Variants in ADGRB3 observed in about 807,000 individuals in gnomAD.
The protein encoded by ADGRB3 is adhesion G protein-coupled receptor B3.
A neutral mutation model predicts 193.4 loss-of-function variants in ADGRB3; 37 were observed. The observed-to-expected ratio is 0.19, with a 90% CI of 0.15 to 0.25. The LOEUF (loss-of-function observed/expected upper bound fraction) is 0.25, where lower values mean the gene tolerates loss of function less well. Among genes scored for constraint, ADGRB3 ranks in the 10% least tolerant of loss-of-function variants. ADGRB3 has a pLI of 1.00. For missense variants in ADGRB3, 1,637 were observed against 1,852.9 expected (o/e 0.88, Z 2.14); for synonymous variants, 690 against 644.2 (o/e 1.07, Z -1.08).
At chr6:68,669,091 G>A (rs2254654) in intron 3 of ADGRB3, among the ~76,000 whole-genome samples, 76,266 of 151,564 alleles carry the variant, frequency 0.5, 19,502 homozygotes, top group Non-Finnish European at 0.55. Context: ...ATGTGTGAGC[G>A]CATGGTAGGT....
At position 69,354,348 on chromosome 6, in the gene ADGRB3, C is replaced by T. The variant is rs373257377; in HGVS notation, c.3555+20C>T. The T allele has an allele frequency of 3.6e-5, 57 of 1,566,562 alleles. No homozygotes were observed. The African/African-American group carries it at 4.2e-4, about 12-fold the overall frequency. On this transcript the variant is annotated intron_variant, in intron 27 of 31. Transcript: ENST00000370598. ...ATCATGGTGAGTTTTTATTTTTCCCCGATTGTTAATTAACTCATGATTTCT... is the reference window on the plus strand; with the variant it reads ...ATCATGGTGAGTTTTTATTTTTCCCTGATTGTTAATTAACTCATGATTTCT...
chr6:68,975,132 GA>G (rs757895763), intron 9 of ADGRB3, 101 bp from the exon 10 acceptor site: 108 of 938,778 alleles, frequency 1.2e-4, no homozygotes, highest in Admixed American at 8.4e-4. Context: ...GTTTTTTAAA[GA>G]AAAAAAGTAC....
At chr6:68,752,078 C>T (rs964198983) in intron 3 of ADGRB3, among the ~76,000 whole-genome samples, 2 of 151,878 alleles carry the variant, frequency 1.3e-5, no homozygotes, top group Non-Finnish European at 2.9e-5. Flanking sequence ...TTTTGGAAAC[C>T]TATGATTTAA....
At chr6:69,229,101 T>G (rs1766081067) in intron 17 of ADGRB3, among the ~76,000 whole-genome samples, 1 of 152,194 alleles carries the variant, frequency 6.6e-6, no homozygotes, top group East Asian at 1.9e-4. Flanking sequence ...CTAGTAAAAC[T>G]TCCTGATTTT....
intron 16 of ADGRB3, among the ~76,000 whole-genome samples, chr6:69,069,731 T>TAAAAAAAA (rs754345752): frequency 9.2e-6 from 1 of 108,232 alleles, no homozygotes; most frequent in Admixed American, 1.0e-4. Flanking sequence ...ACTCTCTCAT[T>TAAAAAAAA]AAAAAAAAAA....
chr6:69,029,091 T>A (rs1238635838), intron 13 of ADGRB3, among the ~76,000 whole-genome samples: 1 of 152,180 alleles, frequency 6.6e-6, no homozygotes, highest in African/African-American at 2.4e-5. Context: ...TTTGTTTCAT[T>A]TTCTTGCTCA....
chr6:68,699,902 A>T (rs73461990), intron 3 of ADGRB3, among the ~76,000 whole-genome samples: 1,710 of 152,172 alleles, frequency 0.011, 34 homozygotes, highest in African/African-American at 0.037. Flanking sequence ...GTCCACACTG[A>T]TATTTCTCAG....
intron 28 of ADGRB3, among the ~76,000 whole-genome samples, chr6:69,357,006 C>T (rs920858226): frequency 6.6e-6 from 1 of 152,070 alleles, no homozygotes; most frequent in African/African-American, 2.4e-5. Flanking sequence ...TCTACTTCAT[C>T]TAAATATCCA....
chr6:68,745,992 A>G (rs17197964), intron 3 of ADGRB3, among the ~76,000 whole-genome samples: 3,387 of 152,186 alleles, frequency 0.022, 64 homozygotes, highest in South Asian at 0.074. Flanking sequence ...TATTTATTGC[A>G]AAATTGCTAC....
chr6:69,076,599 TTTGTAGAAG>T (rs1772239790), intron 17 of ADGRB3, among the ~76,000 whole-genome samples: 2 of 152,072 alleles, frequency 1.3e-5, no homozygotes, highest in African/African-American at 4.8e-5. Context: ...TATTTTTTTG[TTTGTAGAAG>T]TAATTGCAAT....
intron 31 of ADGRB3, among the ~76,000 whole-genome samples, chr6:69,383,521 G>A (rs1233642203): frequency 6.6e-6 from 1 of 151,774 alleles, no homozygotes. Flanking sequence ...TATGTTTATG[G>A]CATAATCATA....
At chr6:69,330,082 C>T (rs943371473) in intron 22 of ADGRB3, among the ~76,000 whole-genome samples, 4 of 151,978 alleles carry the variant, frequency 2.6e-5, no homozygotes, top group Non-Finnish European at 4.4e-5. Flanking sequence ...CGAGGAAGAG[C>T]AGGTAAATGG....
chr6:69,380,234 T>C (rs73473361), intron 30 of ADGRB3, among the ~76,000 whole-genome samples: 12,295 of 151,952 alleles, frequency 0.081, 1,559 homozygotes, highest in African/African-American at 0.27. Context: ...TTAGGTGACT[T>C]TGACTAATGA....
intron 3 of ADGRB3, among the ~76,000 whole-genome samples, chr6:68,883,212 G>C (rs1043325107): frequency 2.0e-5 from 3 of 152,114 alleles, no homozygotes; most frequent in Admixed American, 6.6e-5. Flanking sequence ...TGAGGACTTG[G>C]AGAACTTTTG....
At chr6:69,371,706 A>G (rs1769711612) in intron 29 of ADGRB3, among the ~76,000 whole-genome samples, 1 of 152,078 alleles carries the variant, frequency 6.6e-6, no homozygotes, top group Non-Finnish European at 1.5e-5. Context: ...AATGCATTTT[A>G]TCTGTAACTA....
intron 3 of ADGRB3, among the ~76,000 whole-genome samples, chr6:68,800,832 AG>A (rs1329333208): frequency 6.6e-5 from 10 of 152,170 alleles, no homozygotes; most frequent in African/African-American, 2.4e-4. Flanking sequence ...GACTTAAGAC[AG>A]GTACAAACAG....
At chr6:68,724,589 A>G (rs902048575) in intron 3 of ADGRB3, among the ~76,000 whole-genome samples, 8 of 151,628 alleles carry the variant, frequency 5.3e-5, no homozygotes, top group African/African-American at 1.9e-4. Flanking sequence ...GTAAAAAATA[A>G]AAGAGTTCAC....
At chr6:68,973,084 G>A (rs1349035578) in intron 8 of ADGRB3, among the ~76,000 whole-genome samples, 1 of 152,116 alleles carries the variant, frequency 6.6e-6, no homozygotes, top group Non-Finnish European at 1.5e-5. Context: ...ATGGGAACAT[G>A]GAATAAATAA....
At chr6:69,192,798 T>C (rs1400190113) in intron 17 of ADGRB3, among the ~76,000 whole-genome samples, 1 of 152,122 alleles carries the variant, frequency 6.6e-6, no homozygotes, top group Middle Eastern at 3.2e-3. Flanking sequence ...ATATTCTGCA[T>C]TAAAGTAAGT....
Sources: gnomAD v4.1 joint callset for allele counts (sites outside exome capture counted in the v4.1 genomes callset) on GRCh38, gnomAD v4.1.1 for gene constraint, MANE v1.5 for transcripts, NCBI Gene and HGNC (gene_info 2026-07-23, HGNC 2026-07-21) for gene names.